Variants in DENND4A observed in about 807,000 individuals in gnomAD.
DENND4A encodes DENN domain containing 4A, also known as C-myc promoter-binding protein.
In DENND4A, 70 loss-of-function variants were observed where a neutral mutation model predicts 199.3. That is an observed-to-expected ratio of 0.35 (90% CI 0.29 to 0.43). The LOEUF (loss-of-function observed/expected upper bound fraction) is 0.43, where lower values mean the gene tolerates loss of function less well. DENND4A is among the 20% of genes least tolerant of loss of function. The pLI is 1.00. For synonymous variants in DENND4A, 686 were observed against 766.9 expected (o/e 0.89, Z 1.74); for missense variants, 1,723 against 2,255.8 (o/e 0.76, Z 4.78).
intron 1 of DENND4A, among the ~76,000 whole-genome samples, chr15:65,786,899 G>A (rs1013761357): frequency 6.6e-6 from 1 of 152,114 alleles, no homozygotes; most frequent in African/African-American, 2.4e-5. Context: ...CCTCTGGGAG[G>A]GGAGATGAAG....
intron 12 of DENND4A, among the ~76,000 whole-genome samples, chr15:65,721,699 C>A (rs28484623): frequency 0.2 from 30,889 of 151,692 alleles, 4,191 homozygotes; most frequent in East Asian, 0.73. Context: ...CTCCCAGGCT[C>A]AAGTGGTCCT....
chr15:65,744,364 A>C (rs1299131876), intron 4 of DENND4A, among the ~76,000 whole-genome samples: 1 of 152,166 alleles, frequency 6.6e-6, no homozygotes, highest in African/African-American at 2.4e-5. Context: ...TGAAGAACTA[A>C]ATAGAGCTAA....
At chr15:65,750,623 AC>A (rs1400962922) in intron 4 of DENND4A, among the ~76,000 whole-genome samples, 1 of 152,224 alleles carries the variant, frequency 6.6e-6, no homozygotes, top group Non-Finnish European at 1.5e-5. Flanking sequence ...GTTAGCCCTG[AC>A]AAAACATGGA....
intron 9 of DENND4A, among the ~76,000 whole-genome samples, chr15:65,730,234 T>A (rs1453229770): frequency 6.6e-6 from 1 of 152,016 alleles, no homozygotes; most frequent in African/African-American, 2.4e-5. Flanking sequence ...ACAAAGCAAG[T>A]TAATAATGAA....
At chr15:65,782,645 C>A (rs760513656) in intron 1 of DENND4A, among the ~76,000 whole-genome samples, 14 of 151,744 alleles carry the variant, frequency 9.2e-5, no homozygotes, top group Non-Finnish European at 1.5e-4. Context: ...CATACACATA[C>A]CCTGAAAACA....
intron 32 of DENND4A, among the ~76,000 whole-genome samples, chr15:65,663,176 GTATA>G (rs376016019): frequency 1.7e-3 from 217 of 128,674 alleles, no homozygotes; most frequent in African/African-American, 6.2e-3. Context: ...GTGTGTGTGT[GTATA>G]TATATATATA....
rs2075802447 is a variant in DENND4A, at chr15:65,659,873, C to G, written c.*1978G>C. On this transcript the variant is annotated 3_prime_UTR_variant, in exon 33 of 33. Transcript: ENST00000443035. Reference sequence around the variant, plus strand: ...TAAAACCATAAAGAATGGTTTTACTCATTCTTTGTCAGCCATTTGAAATCA... The same window carrying G: ...TAAAACCATAAAGAATGGTTTTACTGATTCTTTGTCAGCCATTTGAAATCA... The G allele has an allele frequency of 6.4e-6, 1 of 156,390 alleles. No homozygotes were observed. The highest frequency in any genetic ancestry group is 2.4e-5 in the African/African-American group (1 of 41,498). 9.7% of individuals were successfully genotyped at this position (156,390 alleles called of 1,614,324 possible).
chr15:65,788,824 C>T (rs1239697976), intron 1 of DENND4A, among the ~76,000 whole-genome samples: 3 of 148,616 alleles, frequency 2.0e-5, no homozygotes, highest in African/African-American at 7.5e-5. Context: ...CACTGCACCC[C>T]AGCCTGGGTG....
intron 20 of DENND4A, among the ~76,000 whole-genome samples, chr15:65,698,688 T>G (rs909466670): frequency 6.6e-6 from 1 of 151,152 alleles, no homozygotes; most frequent in Non-Finnish European, 1.5e-5. Flanking sequence ...TTGATGAAAT[T>G]CATGCTTTTA....
chr15:65,757,938 A>C lies in DENND4A; in HGVS notation c.-22-1466T>G, dbSNP rs192876393. Among the ~76,000 whole-genome samples the C allele has an allele frequency of 1.2e-3, 183 of 152,122 alleles. 1 individual carries two copies. Among genetic ancestry groups the C allele is most frequent in the African/African-American group, 4.3e-3 (178 of 41,500 alleles). On this transcript the variant is annotated intron_variant, in intron 2 of 32. Transcript: ENST00000443035. ...AGAGGTTGTGGTGAGCTGAGATCGC[A>C]CCATTGCACTCCAGCCTGGGCAACA...
At chr15:65,770,642 A>G (rs1292602193) in intron 1 of DENND4A, among the ~76,000 whole-genome samples, 9 of 152,188 alleles carry the variant, frequency 5.9e-5, no homozygotes, top group Non-Finnish European at 1.3e-4. Flanking sequence ...TTTTACACAA[A>G]GTTAAAGTTT....
intron 14 of DENND4A, among the ~76,000 whole-genome samples, chr15:65,709,742 A>ATATAT (rs1596490670): frequency 7.1e-6 from 1 of 140,076 alleles, no homozygotes; most frequent in African/African-American, 2.6e-5. Context: ...ATATATATAT[A>ATATAT]ATCTCGTGAC....
In DENND4A at chr15:65,736,681, C is replaced by T. The variant is rs976029971; in HGVS notation, c.1040+1026G>A. On this transcript the variant is annotated intron_variant, in intron 7 of 32. Transcript: ENST00000443035. ...GGTGCAGTGTCAAAAAAAAGAATAT[C>T]CCAAACTTTCTGAAAATATGATCCA... Among the ~76,000 whole-genome samples the T allele has an allele frequency of 2.0e-5, 3 of 152,116 alleles. No individual in the cohort carries two copies. The South Asian group carries it at 6.2e-4, about 32-fold the overall frequency.
At chr15:65,772,104 T>C in intron 1 of DENND4A, 1 of 912,062 alleles carries the variant, frequency 1.1e-6, no homozygotes, top group Non-Finnish European at 1.8e-6. Flanking sequence ...CTGGACGATG[T>C]CGACACATTT....
intron 23 of DENND4A, among the ~76,000 whole-genome samples, chr15:65,679,085 C>A (rs2141961810): frequency 6.6e-6 from 1 of 151,878 alleles, no homozygotes; most frequent in South Asian, 2.1e-4. Flanking sequence ...TTCCCTTGAT[C>A]CTGACTTTAT....
intron 23 of DENND4A, among the ~76,000 whole-genome samples, chr15:65,683,594 A>G (rs1459507750): frequency 1.3e-5 from 2 of 152,152 alleles, no homozygotes; most frequent in African/African-American, 4.8e-5. Context: ...ACATTATTCT[A>G]ATTTCCTTTA....
chr15:65,728,250 A>C (rs1487012989), intron 11 of DENND4A, among the ~76,000 whole-genome samples: 1 of 152,040 alleles, frequency 6.6e-6, no homozygotes, highest in Non-Finnish European at 1.5e-5. Context: ...TGATCCGTCC[A>C]CCTTGGCTTC....
At chr15:65,728,482 TTTTTC>T (rs2075873083) in intron 11 of DENND4A, among the ~76,000 whole-genome samples, 1 of 144,156 alleles carries the variant, frequency 6.9e-6, no homozygotes, top group African/African-American at 2.8e-5. Flanking sequence ...TCTTTTTTTC[TTTTTC>T]TTTTTTTTTT....
intron 14 of DENND4A, among the ~76,000 whole-genome samples, chr15:65,713,235 C>G (rs553809705): frequency 2.6e-5 from 4 of 152,170 alleles, no homozygotes; most frequent in Middle Eastern, 3.4e-3. Flanking sequence ...AGTTTCTTCT[C>G]CATTTTTACT....
Sources: allele counts gnomAD v4.1 joint callset (sites outside exome capture counted in the v4.1 genomes callset), GRCh38; gene constraint gnomAD v4.1.1; transcripts MANE v1.5; gene names NCBI Gene and HGNC (gene_info 2026-07-23, HGNC 2026-07-21).